The following REPS2 variants were observed in gnomAD, a reference collection of about 807,000 sequenced individuals.
REPS2 encodes RALBP1 associated Eps domain containing 2, also known as ralBP1-associated Eps domain-containing protein 2.
Under a neutral mutation model 53.6 loss-of-function variants are expected in REPS2, and 23 were observed. The ratio of observed to expected loss-of-function variants is 0.43; its 90% CI spans 0.31 to 0.61. REPS2 has a LOEUF of 0.61. Among genes scored for constraint, REPS2 ranks in the 20% least tolerant of loss-of-function variants. The probability of loss-of-function intolerance (pLI) is 0.11; values close to 1 mark genes in which losing one functional copy is unlikely to be tolerated. For missense variants in REPS2, 446 were observed against 534.9 expected (o/e 0.83, Z 1.64); for synonymous variants, 238 against 218.6 (o/e 1.09, Z -0.78).
chrX:17,169,318 G>A, the REPS2 span, among the ~76,000 whole-genome samples: 3 of 112,142 alleles, frequency 2.7e-5, no homozygotes, highest in Non-Finnish European at 3.8e-5. Flanking sequence ...TGGCATCCAT[G>A]GTGAATTGGG....
intron 5 of REPS2, among the ~76,000 whole-genome samples, chrX:17,038,906 G>A (rs939340860): frequency 1.8e-5 from 2 of 112,230 alleles, no homozygotes; most frequent in Non-Finnish European, 3.8e-5. Context: ...TGGTTAGTAA[G>A]TGACCATGCC....
the REPS2 span, among the ~76,000 whole-genome samples, chrX:17,166,840 T>C: frequency 1.8e-5 from 2 of 112,287 alleles, no homozygotes; most frequent in Non-Finnish European, 3.8e-5. Flanking sequence ...CATTAGCTCT[T>C]TCCACAGTGG....
chrX:17,097,691 G>T (rs760006819), intron 13 of REPS2, among the ~76,000 whole-genome samples: 12 of 111,858 alleles, frequency 1.1e-4, no homozygotes, highest in African/African-American at 3.6e-4. Context: ...GCTGAGATTA[G>T]TGAAGGAAAA....
chrX:16,968,562 C>T (rs1239941821), intron 1 of REPS2, among the ~76,000 whole-genome samples: 1 of 101,324 alleles, frequency 9.9e-6, no homozygotes, highest in Non-Finnish European at 2.0e-5. Context: ...GCTGGCTGGG[C>T]AGAGGGGCTC....
chrX:16,990,083 C>G (rs2061143420), intron 1 of REPS2, among the ~76,000 whole-genome samples: 1 of 112,126 alleles, frequency 8.9e-6, no homozygotes, highest in Non-Finnish European at 1.9e-5. Flanking sequence ...ATATCCATAG[C>G]ATGGAATACT....
chrX:17,094,279 G>A (rs760772310), intron 13 of REPS2, among the ~76,000 whole-genome samples: 1 of 111,895 alleles, frequency 8.9e-6, no homozygotes, highest in Admixed American at 9.4e-5. Context: ...TTGTGCCAAT[G>A]GATTCTAGCT....
At chrX:17,010,721 G>A (rs2061419110) in intron 2 of REPS2, among the ~76,000 whole-genome samples, 2 of 111,170 alleles carry the variant, frequency 1.8e-5, no homozygotes, top group African/African-American at 6.6e-5. Flanking sequence ...CATGAGGAGG[G>A]TGTCTTAATC....
chrX:16,966,966 T>G (rs2060778504), intron 1 of REPS2, among the ~76,000 whole-genome samples: 1 of 112,213 alleles, frequency 8.9e-6, no homozygotes, highest in African/African-American at 3.2e-5. Context: ...TAAGCATTCT[T>G]GTGTATTGGA....
Position 17,006,218 on chromosome X carries a change from C to T in REPS2, c.274-3C>T, listed in dbSNP as rs959998649. The T allele has an allele frequency of 1.7e-6, 2 of 1,208,893 alleles. No individual in the cohort carries two copies. The highest frequency in any genetic ancestry group is 1.1e-6 in the Non-Finnish European group (1 of 893,820). ...CAGCATTGTTTTTCTTGTCTGTTCT[C>T]AGATCACAGAACTGTGTGGTGCAAA... On this transcript the variant is annotated splice_polypyrimidine_tract_variant and splice_region_variant and intron_variant, in intron 1 of 17. Transcript: ENST00000357277.
At chrX:17,145,215 G>A (rs1160620739) in intron 17 of REPS2, among the ~76,000 whole-genome samples, 3 of 111,435 alleles carry the variant, frequency 2.7e-5, no homozygotes, top group Non-Finnish European at 5.6e-5. Flanking sequence ...GGGAGAGAGT[G>A]TGGTACCCCT....
intron 13 of REPS2, among the ~76,000 whole-genome samples, chrX:17,098,038 G>A (rs1405089330): frequency 9.0e-6 from 1 of 110,999 alleles, no homozygotes; most frequent in Non-Finnish European, 1.9e-5. Flanking sequence ...AGGGGTTTGG[G>A]GGTGGTGCTC....
intron 1 of REPS2, among the ~76,000 whole-genome samples, chrX:16,957,865 T>C (rs1465613173): frequency 8.9e-6 from 1 of 111,963 alleles, no homozygotes; most frequent in Non-Finnish European, 1.9e-5. Context: ...ATCCCTGGTC[T>C]CTACCCACAA....
At chrX:17,010,065 G>T (rs1479281903) in intron 2 of REPS2, among the ~76,000 whole-genome samples, 1 of 110,862 alleles carries the variant, frequency 9.0e-6, no homozygotes, top group African/African-American at 3.3e-5. Context: ...CAACCTTCAG[G>T]ATTCAGAGTC....
intron 17 of REPS2, among the ~76,000 whole-genome samples, chrX:17,145,982 G>A (rs1201048098): frequency 9.2e-6 from 1 of 108,947 alleles, no homozygotes; most frequent in African/African-American, 3.4e-5. Context: ...GGTGGCGGGC[G>A]CCTGTAGTCC....
chrX:16,997,370 TCTAAA>T (rs2061246200), intron 1 of REPS2, among the ~76,000 whole-genome samples: 1 of 112,253 alleles, frequency 8.9e-6, no homozygotes, highest in African/African-American at 3.2e-5. Context: ...GTTCTTTCCT[TCTAAA>T]CCAGTGGGGT....
intron 4 of REPS2, among the ~76,000 whole-genome samples, chrX:17,028,766 A>G (rs866591950): frequency 1.2e-4 from 14 of 112,299 alleles, no homozygotes; most frequent in African/African-American, 4.5e-4. Flanking sequence ...ATATTTTCAA[A>G]AACTTGAACT....
the REPS2 span, among the ~76,000 whole-genome samples, chrX:17,159,734 TG>T: frequency 9.0e-6 from 1 of 111,481 alleles, no homozygotes; most frequent in Non-Finnish European, 1.9e-5. Flanking sequence ...CCTGGTTACC[TG>T]TGAGGCCGTG....
intron 14 of REPS2, among the ~76,000 whole-genome samples, chrX:17,121,037 G>A (rs1259872172): frequency 9.0e-6 from 1 of 111,705 alleles, no homozygotes; most frequent in Non-Finnish European, 1.9e-5. Flanking sequence ...ACCTTTGACC[G>A]AGATGATCTG....
At chrX:17,054,421 C>CT (rs749636276) in intron 7 of REPS2, among the ~76,000 whole-genome samples, 1 of 112,120 alleles carries the variant, frequency 8.9e-6, no homozygotes, top group South Asian at 3.7e-4. Flanking sequence ...TGGGGCCACC[C>CT]TTCCTCTGAC....
Sources: gnomAD v4.1 joint callset for allele counts (sites outside exome capture counted in the v4.1 genomes callset) on GRCh38, gnomAD v4.1.1 for gene constraint, MANE v1.5 for transcripts, NCBI Gene and HGNC (gene_info 2026-07-23, HGNC 2026-07-21) for gene names.